Variants in RBMS3 observed in about 807,000 individuals in gnomAD.
The protein encoded by RBMS3 is RNA-binding motif, single-stranded-interacting protein 3.
In RBMS3, 27 loss-of-function variants were observed where a neutral mutation model predicts 66.8. The observed-to-expected ratio is 0.40, with a 90% CI of 0.30 to 0.56. The LOEUF is 0.56. Among genes scored for constraint, RBMS3 ranks in the 20% least tolerant of loss-of-function variants. RBMS3 has a pLI of 0.40. For missense variants in RBMS3, 513 were observed against 549.5 expected (o/e 0.93, Z 0.66); for synonymous variants, 188 against 183.0 (o/e 1.03, Z -0.22).
At chr3:29,482,832 T>G (rs1457716780) in intron 2 of RBMS3, among the ~76,000 whole-genome samples, 1 of 148,940 alleles carries the variant, frequency 6.7e-6, no homozygotes, top group African/African-American at 2.5e-5. Flanking sequence ...CTCAGCCTCC[T>G]GAATAGCTGG....
At chr3:29,813,912 C>T (rs1043542646) in intron 6 of RBMS3, among the ~76,000 whole-genome samples, 31 of 152,142 alleles carry the variant, frequency 2.0e-4, no homozygotes, top group Non-Finnish European at 3.5e-4. Context: ...GATATACAAT[C>T]ATGTCGTCTG....
chr3:29,775,167 C>T (rs913467048), intron 6 of RBMS3, among the ~76,000 whole-genome samples: 11 of 151,536 alleles, frequency 7.3e-5, no homozygotes, highest in African/African-American at 1.9e-4. Flanking sequence ...TGAGAACCTA[C>T]GTATGTTCTA....
intron 10 of RBMS3, among the ~76,000 whole-genome samples, chr3:29,920,945 G>C (rs2060759802): frequency 6.6e-6 from 1 of 151,948 alleles, no homozygotes; most frequent in Non-Finnish European, 1.5e-5. Flanking sequence ...ATTTGGGGGT[G>C]CCGTGTAAAA....
chr3:29,585,862 T>C (rs757062200), intron 3 of RBMS3, among the ~76,000 whole-genome samples: 1 of 152,128 alleles, frequency 6.6e-6, no homozygotes, highest in Non-Finnish European at 1.5e-5. Flanking sequence ...AAGAGCATTT[T>C]ACAGTACACT....
chr3:29,943,519 TTTAA>T (rs2061439676), intron 11 of RBMS3, among the ~76,000 whole-genome samples: 1 of 151,808 alleles, frequency 6.6e-6, no homozygotes, highest in Non-Finnish European at 1.5e-5. Flanking sequence ...TGCCATGTAG[TTTAA>T]TTAAGCTTTA....
chr3:29,929,310 C>G (rs1013777738), intron 10 of RBMS3, among the ~76,000 whole-genome samples: 1 of 152,106 alleles, frequency 6.6e-6, no homozygotes, highest in Admixed American at 6.5e-5. Context: ...TACTGATAAA[C>G]TTGTTTCTGT....
intron 1 of RBMS3, among the ~76,000 whole-genome samples, chr3:29,300,243 G>T (rs541992516): frequency 1.3e-4 from 19 of 151,896 alleles, no homozygotes; most frequent in Middle Eastern, 3.2e-3. Context: ...GTGAATTTTG[G>T]ATCTTTATTT....
intron 14 of RBMS3, among the ~76,000 whole-genome samples, chr3:29,992,231 A>G (rs1360404950): frequency 3.3e-5 from 5 of 152,206 alleles, no homozygotes. Flanking sequence ...TTGTTAAAAC[A>G]TTAAGAAATA....
chr3:29,926,388 G>T (rs567470281), intron 10 of RBMS3, among the ~76,000 whole-genome samples: 8 of 152,170 alleles, frequency 5.3e-5, no homozygotes, highest in Non-Finnish European at 7.3e-5. Flanking sequence ...GCAGCAAATT[G>T]CAGGACAAGG....
chr3:29,528,483 A>G (rs915262176), intron 3 of RBMS3, among the ~76,000 whole-genome samples: 4 of 152,194 alleles, frequency 2.6e-5, no homozygotes, highest in African/African-American at 9.6e-5. Flanking sequence ...AAAAATGTAT[A>G]CTAACCACAT....
intron 4 of RBMS3, among the ~76,000 whole-genome samples, chr3:29,726,438 G>T (rs116474321): frequency 6.6e-6 from 1 of 152,036 alleles, no homozygotes; most frequent in Non-Finnish European, 1.5e-5. Context: ...TGCAGATGAC[G>T]TGATTTTATA....
chr3:29,653,614 C>T (rs1301616549), intron 4 of RBMS3, among the ~76,000 whole-genome samples: 1 of 151,980 alleles, frequency 6.6e-6, no homozygotes, highest in African/African-American at 2.4e-5. Flanking sequence ...GTGTCTAAAC[C>T]TTAATTAACA....
intron 3 of RBMS3, among the ~76,000 whole-genome samples, chr3:29,564,007 A>G (rs1414357079): frequency 6.6e-6 from 1 of 151,374 alleles, no homozygotes; most frequent in Non-Finnish European, 1.5e-5. Context: ...ATGCTGTCAA[A>G]AAAAAAAAAA....
At chr3:29,488,560 C>G in intron 3 of RBMS3, 61 bp downstream of exon 3, 2 of 1,466,156 alleles carry the variant, frequency 1.4e-6, no homozygotes, top group Non-Finnish European at 1.9e-6. Flanking sequence ...AATGGTTCTT[C>G]CATTGTGGAG....
chr3:29,945,677 C>T (rs1269417870), intron 12 of RBMS3, among the ~76,000 whole-genome samples: 5 of 151,656 alleles, frequency 3.3e-5, no homozygotes, highest in Admixed American at 6.6e-5. Flanking sequence ...AACTGGGTTT[C>T]CTGATTTTAC....
rs1699780483 is a variant in RBMS3, at chr3:30,005,383, T to C, written c.*1521T>C. On this transcript the variant is annotated 3_prime_UTR_variant, in exon 15 of 15. Coordinates refer to ENST00000383767, the MANE Select transcript of RBMS3 (RefSeq NM_001003793.3). ...CTGGTTTCTCACTAGCTGTCTTGAA[T>C]AGTGAAACCTGTATTGATGGCCACT... 1 of 151,876 alleles carries C rather than the reference T, an allele frequency of 6.6e-6. No individual in the cohort carries two copies. The highest frequency in any genetic ancestry group is 2.1e-4 in the South Asian group (1 of 4,832). 9.4% of individuals were successfully genotyped at this position (151,876 alleles called of 1,614,324 possible). A position where few individuals can be genotyped will look rare whatever the true frequency, so the allele number is the denominator to read the frequency against.
intron 4 of RBMS3, chr3:29,615,196 A>G (rs7647230): frequency 0.28 from 42,662 of 152,218 alleles, 6,391 homozygotes; most frequent in African/African-American, 0.39. Context: ...GGAAGCAATT[A>G]CCACCATAAT....
chr3:29,586,406 G>T (rs2047521906), intron 3 of RBMS3, among the ~76,000 whole-genome samples: 5 of 151,906 alleles, frequency 3.3e-5, no homozygotes, highest in Admixed American at 1.3e-4. Context: ...TTTTCAGACT[G>T]TACACTAGAA....
intron 10 of RBMS3, among the ~76,000 whole-genome samples, chr3:29,904,859 G>A (rs1219574096): frequency 6.6e-6 from 1 of 151,632 alleles, no homozygotes; most frequent in East Asian, 1.9e-4. Flanking sequence ...ACTTCAAGTT[G>A]GTTTGCTTTG....
Sources: allele counts gnomAD v4.1 joint callset (sites outside exome capture counted in the v4.1 genomes callset), GRCh38; gene constraint gnomAD v4.1.1; transcripts MANE v1.5; gene names NCBI Gene and HGNC (gene_info 2026-07-23, HGNC 2026-07-21).